The following KIAA1549 variants were observed in gnomAD, a reference collection of about 807,000 sequenced individuals.
KIAA1549 encodes UPF0606 protein KIAA1549.
A neutral mutation model predicts 156.4 loss-of-function variants in KIAA1549; 70 were observed. That is an observed-to-expected ratio of 0.45 (90% CI 0.37 to 0.55). The LOEUF is 0.55. KIAA1549 is among the 20% of genes least tolerant of loss of function. The pLI, the probability that KIAA1549 is intolerant of heterozygous loss-of-function variation, is 0.00. For missense variants in KIAA1549, 2,428 were observed against 2,540.9 expected (o/e 0.96, Z 0.96); for synonymous variants, 1,103 against 1,066.4 (o/e 1.03, Z -0.67).
Position 138,965,244 on chromosome 7 carries a change from G to T in KIAA1549, c.187+15839C>A, listed in dbSNP as rs181708076. On this transcript the variant is annotated intron_variant, in intron 1 of 19. Coordinates refer to ENST00000422774, the MANE Select transcript of KIAA1549 (RefSeq NM_001164665.2). The stretch of plus-strand genomic sequence containing the variant: ...TGAGATGAGAAAGTTCTAGGCAGAG[G>T]GAACAGCAAGTACAAATGATTGCAA... Among the ~76,000 whole-genome samples the T allele has an allele frequency of 4.7e-3, 711 of 152,132 alleles. 5 individuals carry two copies. Among genetic ancestry groups the T allele is most frequent in the South Asian group, 7.7e-3 (37 of 4,818 alleles).
intron 18 of KIAA1549, 127 bp from the exon 19 acceptor site, chr7:138,840,405 T>G: frequency 1.3e-6 from 1 of 778,616 alleles, no homozygotes; most frequent in Non-Finnish European, 2.0e-6. Flanking sequence ...GATCAGGACT[T>G]GGTACCAGTT....
intron 1 of KIAA1549, among the ~76,000 whole-genome samples, chr7:138,952,528 T>C (rs1190166137): frequency 2.0e-5 from 3 of 152,154 alleles, no homozygotes; most frequent in Admixed American, 6.5e-5. Context: ...GCATATCAAA[T>C]GGTGTTCATA....
intron 1 of KIAA1549, among the ~76,000 whole-genome samples, chr7:138,973,301 G>A (rs1323327969): frequency 1.3e-5 from 2 of 152,156 alleles, no homozygotes; most frequent in Non-Finnish European, 2.9e-5. Flanking sequence ...AAATCCTCAG[G>A]CATCACCTGT....
intron 13 of KIAA1549, 78 bp downstream of exon 13, chr7:138,871,079 A>G: frequency 7.2e-7 from 1 of 1,387,938 alleles, no homozygotes; most frequent in Non-Finnish European, 9.9e-7. Context: ...GGCCCCCCCA[A>G]GTGCTGGGAT....
intron 12 of KIAA1549, among the ~76,000 whole-genome samples, chr7:138,872,520 T>C (rs1810969037): frequency 6.6e-6 from 1 of 152,166 alleles, no homozygotes; most frequent in South Asian, 2.1e-4. Context: ...ATTTTTACAG[T>C]AGAGATAATC....
chr7:138,861,019 C>T lies in KIAA1549; in HGVS notation c.5247+120G>A, dbSNP rs565392608. 3 of 923,654 alleles carry T rather than the reference C, an allele frequency of 3.2e-6. No individual in the cohort carries two copies. The South Asian group carries it at 4.4e-5, about 14-fold the overall frequency. The allele number at this position is 923,654 out of a possible 1,614,324, so 57.2% of individuals were successfully genotyped here. ...GAAGATAAAAACTAAGACCCATCAC[C>T]CGAGTTTTAATTCTTATCAAATGCA... On this transcript the variant is annotated intron_variant, in intron 16 of 19. Transcript: ENST00000422774.
chr7:138,908,846 G>A (rs1470281047), intron 5 of KIAA1549, 145 bp downstream of exon 5: 8 of 930,270 alleles, frequency 8.6e-6, no homozygotes, highest in African/African-American at 3.3e-5. Flanking sequence ...CCGACCTTAC[G>A]CCACAGGAAT....
At position 138,868,125 on chromosome 7, in the gene KIAA1549, T is replaced by C; in HGVS notation, c.4779A>G (p.Ser1593=). The change falls in exon 15 of 20, where the codon TCA becomes TCG. Residue 1593 remains serine (S), a synonymous_variant. Coordinates refer to ENST00000422774, the MANE Select transcript of KIAA1549 (RefSeq NM_001164665.2). ...GAGGCTTGGGAGAACGTTTTATCCG[T>C]GAGCTGCCAGGAAAAAGAGAAATTA... ...PSVFIEPRKS[S]RIKRSPKPRR... is the part of the protein sequence containing the mutation. 1 of 1,612,240 alleles carries C rather than the reference T, an allele frequency of 6.2e-7. No individual in the cohort carries two copies. Among genetic ancestry groups the C allele is most frequent in the Non-Finnish European group, 8.5e-7 (1 of 1,179,064 alleles).
chr7:138,855,198 G>A (rs1810352137), intron 16 of KIAA1549, among the ~76,000 whole-genome samples: 1 of 152,200 alleles, frequency 6.6e-6, no homozygotes, highest in African/African-American at 2.4e-5. Context: ...CTCATCAGAT[G>A]AGCCTTTCCC....
rs1337273539 is a variant in KIAA1549 at position 138,869,549 on chromosome 7, C to G, written c.4764G>C (p.Glu1588Asp). Residue 1588 changes from glutamate to aspartate, a missense_variant, in exon 14 of 20, where the codon GAG (glutamate) becomes GAC (aspartate). This residue lies in a region of KIAA1549 where 404 missense variants were observed against 417.0 expected (regional missense o/e 0.97). Transcript: ENST00000422774. The stretch of plus-strand genomic sequence containing the variant: ...GAGCCCCAGCCCACCTCTTCCTGGG[C>G]TCTATGAACACGGAGGGCACGCTGG... ...PTASVPSVFI[E>D]PRKSSRIKRS... 2 of 1,569,120 alleles carry G rather than the reference C, an allele frequency of 1.3e-6. No individual in the cohort carries two copies. Among genetic ancestry groups the G allele is most frequent in the Non-Finnish European group, 1.7e-6 (2 of 1,158,154 alleles).
Position 138,833,888 on chromosome 7 carries a change from C to T in KIAA1549, c.*4018G>A, listed in dbSNP as rs1809620769. ...CATGACTGCAAAAGCATCCTTCCAG[C>T]ACCTCTTCCTTCTCTTCTGAAACTC... On this transcript the variant is annotated 3_prime_UTR_variant, in exon 20 of 20. Coordinates refer to ENST00000422774, the MANE Select transcript of KIAA1549 (RefSeq NM_001164665.2). 2 of 232,818 alleles carry T rather than the reference C, an allele frequency of 8.6e-6. No homozygotes were observed. Among genetic ancestry groups the T allele is most frequent in the African/African-American group, 2.2e-5 (1 of 45,436 alleles). The allele number at this position is 232,818 out of a possible 1,614,324, so 14.4% of individuals were successfully genotyped here. A position where few individuals can be genotyped will look rare whatever the true frequency, so the allele number is the denominator to read the frequency against.
chr7:138,852,696 C>T (rs973631575), intron 16 of KIAA1549, among the ~76,000 whole-genome samples: 10 of 152,334 alleles, frequency 6.6e-5, no homozygotes, highest in South Asian at 2.1e-4. Context: ...CAAAGGTCAG[C>T]GAGACCCAGT....
chr7:138,939,181 G>A (rs73480107), intron 1 of KIAA1549, among the ~76,000 whole-genome samples: 2,208 of 152,158 alleles, frequency 0.015, 44 homozygotes, highest in African/African-American at 0.05. Flanking sequence ...CAGCATCTCT[G>A]ATAAGGACTT....
intron 1 of KIAA1549, among the ~76,000 whole-genome samples, chr7:138,968,064 T>C (rs544847406): frequency 6.6e-6 from 1 of 152,268 alleles, no homozygotes; most frequent in South Asian, 2.1e-4. Flanking sequence ...TGGAAGCCAT[T>C]ATCCTCAGCA....
At position 138,861,904 on chromosome 7, in the gene KIAA1549, C is replaced by T. The variant is rs111616989; in HGVS notation, c.4930-448G>A. Among the ~76,000 whole-genome samples the T allele has an allele frequency of 4.4e-3, 672 of 151,832 alleles. 10 individuals are homozygous for T. The highest frequency in any genetic ancestry group is 0.015 in the African/African-American group (613 of 41,410). On this transcript the variant is annotated intron_variant, in intron 15 of 19. Transcript: ENST00000422774. ...AAAAAAATGACAGCTGAGGAATGTG[C>T]GTTACATTTCATGCGAAGGAGAGGG...
rs772340167 is a variant in KIAA1549 at position 138,840,243 on chromosome 7, C to T, written c.5488G>A (p.Ala1830Thr). 12 of 1,593,232 alleles carry T rather than the reference C, an allele frequency of 7.5e-6. No homozygotes were observed. The South Asian group carries it at 1.3e-4, about 17-fold the overall frequency. The change falls in exon 19 of 20, where the codon GCC becomes ACC. Residue 1830 changes from alanine (A) to threonine (T), a missense_variant. Ala to Thr is a moderately conservative substitution (Grantham distance 58). Coordinates refer to ENST00000422774, the MANE Select transcript of KIAA1549 (RefSeq NM_001164665.2). ...ACTGGCTGAGCTCCAATTCTGCTGG[C>T]AATCCCCACCTGTGTCAGGTGCTGG... ...QIQHLTQVGI[A>T]SRIGAQPVEI...
At chr7:138,858,887 T>C (rs1425043419) in intron 16 of KIAA1549, among the ~76,000 whole-genome samples, 1 of 151,906 alleles carries the variant, frequency 6.6e-6, no homozygotes, top group Non-Finnish European at 1.5e-5. Context: ...GTGCCTATAA[T>C]CCCAGCTACT....
In KIAA1549 at chr7:138,833,743, A is replaced by C. The variant is rs1809615164; in HGVS notation, c.*4163T>G. The C allele has an allele frequency of 4.3e-6, 1 of 232,964 alleles. No individual in the cohort carries two copies. The highest frequency in any genetic ancestry group is 8.5e-6 in the Non-Finnish European group (1 of 117,948). The allele number at this position is 232,964 out of a possible 1,614,324, so 14.4% of individuals were successfully genotyped here. A position where few individuals can be genotyped will look rare whatever the true frequency, so the allele number is the denominator to read the frequency against. ...TATGGCGTGGCCAAACGGCTGCTTG[A>C]GATCTGCTCTAAACAATGACCTCAG... On this transcript the variant is annotated 3_prime_UTR_variant, in exon 20 of 20. Transcript: ENST00000422774.
In KIAA1549 at chr7:138,879,559, A is replaced by C. The variant is rs1293923490; in HGVS notation, c.4324T>G (p.Ser1442Ala). The change falls in exon 12 of 20, where the codon TCC becomes GCC. Residue 1442 changes from serine to alanine, a missense_variant. Transcript: ENST00000422774. ...AGACCGCTCTGCGGAGCTCTGTGGG[A>C]CCTGCCATCGTTGACGGCTCCCGGC... is the stretch of plus-strand genomic sequence containing the variant. ...KTPGAVNDGR[S>A]HRAPQSGPPL... The C allele has an allele frequency of 6.4e-7, 1 of 1,564,784 alleles. No individual in the cohort carries two copies.
Sources: allele counts gnomAD v4.1 joint callset (sites outside exome capture counted in the v4.1 genomes callset), GRCh38; gene constraint gnomAD v4.1.1; regional missense constraint gnomAD v4.1.1; transcripts MANE v1.5; gene names NCBI Gene and HGNC (gene_info 2026-07-23, HGNC 2026-07-21).